Variants in ORC2 observed in about 807,000 individuals in gnomAD.
ORC2 encodes the protein origin recognition complex subunit 2.
In ORC2, 37 loss-of-function variants were observed where a neutral mutation model predicts 77.7. The ratio of observed to expected loss-of-function variants is 0.48; its 90% CI spans 0.37 to 0.63. ORC2 has a LOEUF of 0.63. ORC2 is among the 20% of genes least tolerant of loss of function. The pLI is 0.00. For synonymous variants in ORC2, 201 were observed against 229.5 expected, an observed-to-expected ratio of 0.88 and a Z score of 1.12; for missense variants, 557 against 661.9, an observed-to-expected ratio of 0.84 and a Z score of 1.74.
chr2:200,937,858 G>GTTTAT (rs1367164931), intron 8 of ORC2, 48 bp downstream of exon 8: 10 of 1,248,170 alleles, frequency 8.0e-6, no homozygotes, highest in Non-Finnish European at 1.2e-5. Context: ...ATTGCCTCTT[G>GTTTAT]TTTAGATGCT....
Position 200,958,223 on chromosome 2 carries a change from T to C in ORC2, c.-10-90A>G, listed in dbSNP as rs1052852942. 4.2e-6 allele frequency: 3 copies of C among 707,644 alleles called. No individual in the cohort carries two copies. The African/African-American group carries it at 5.4e-5, about 13-fold the overall frequency. 43.8% of individuals were successfully genotyped at this position (707,644 alleles called of 1,614,324 possible). A position where few individuals can be genotyped will look rare whatever the true frequency, so the allele number is the denominator to read the frequency against. On this transcript the variant is annotated intron_variant, in intron 2 of 17. Transcript: ENST00000234296. ...TTCACATAATGAATACATGTCTTTA[T>C]CTAATATTTTTAAAGTCTTTTTAAG...
intron 7 of ORC2, among the ~76,000 whole-genome samples, chr2:200,938,244 G>A (rs71424274): frequency 0.015 from 2,259 of 152,278 alleles, 18 homozygotes; most frequent in Non-Finnish European, 0.022. Context: ...GGCCAGGCTG[G>A]TCTCAAAACT....
At chr2:200,917,709 G>C (rs192392502) in intron 15 of ORC2, among the ~76,000 whole-genome samples, 111 of 152,196 alleles carry the variant, frequency 7.3e-4, no homozygotes, top group Non-Finnish European at 1.2e-3. Flanking sequence ...TTCTGATACT[G>C]TACTGTGTTT....
chr2:200,945,593 T>C (rs1433237955), intron 5 of ORC2, among the ~76,000 whole-genome samples: 1 of 151,638 alleles, frequency 6.6e-6, no homozygotes, highest in Non-Finnish European at 1.5e-5. Context: ...ATTTGTGGGC[T>C]TGCAAAAAAA....
intron 7 of ORC2, among the ~76,000 whole-genome samples, chr2:200,940,814 A>T (rs2041138215): frequency 6.6e-6 from 1 of 152,122 alleles, no homozygotes; most frequent in Non-Finnish European, 1.5e-5. Flanking sequence ...AAACAAACAA[A>T]CAAACAAAGA....
intron 11 of ORC2, among the ~76,000 whole-genome samples, chr2:200,930,506 CTTTT>C (rs572005723): frequency 1.0e-4 from 14 of 136,292 alleles, no homozygotes; most frequent in African/African-American, 3.2e-4. Context: ...CCTAGCATAA[CTTTT>C]TTTTTTTTTT....
intron 4 of ORC2, among the ~76,000 whole-genome samples, chr2:200,951,175 T>C (rs1296494539): frequency 6.6e-6 from 1 of 152,216 alleles, no homozygotes; most frequent in African/African-American, 2.4e-5. Flanking sequence ...TTAAGGTCCT[T>C]TCATATCTTG....
intron 14 of ORC2, 112 bp from the exon 15 acceptor site, chr2:200,920,505 G>GT (rs1309903589): frequency 1.1e-6 from 1 of 888,756 alleles, no homozygotes; most frequent in African/African-American, 1.7e-5. Context: ...GAATCCCCAA[G>GT]TTTTTCATTT....
chr2:200,912,700 G>A (rs16835612), intron 17 of ORC2, among the ~76,000 whole-genome samples: 4,332 of 152,134 alleles, frequency 0.028, 215 homozygotes, highest in African/African-American at 0.099. Flanking sequence ...GATCACAGGC[G>A]TGAGCCACCA....
At chr2:200,920,939 T>TTGTAAGAA in intron 14 of ORC2, 54 bp downstream of exon 14, 1 of 1,275,772 alleles carries the variant, frequency 7.8e-7, no homozygotes, top group Admixed American at 2.7e-5. Context: ...ATTAATAGAA[T>TTGTAAGAA]TTGTCTTGTA....
Position 200,913,331 on chromosome 2 carries a change from A to G in ORC2, c.1611T>C (p.Thr537=). ...NSDLTLRAQL[T]EFRDHKLIRT... ...TTATAAGCTTGTGGTCCCTAAATTC[A>G]GTTAACTGGGCCCGGAGTGTCAGAT... Residue 537 remains threonine, a synonymous_variant, in exon 17 of 18, where the codon ACT becomes ACC. Coordinates refer to ENST00000234296, the MANE Select transcript of ORC2 (RefSeq NM_006190.5). The G allele has an allele frequency of 1.4e-5, 23 of 1,600,086 alleles. No individual in the cohort carries two copies. Among genetic ancestry groups the G allele is most frequent in the Non-Finnish European group, 2.0e-5 (23 of 1,170,852 alleles).
At chr2:200,944,809 A>G (rs954432509) in intron 5 of ORC2, among the ~76,000 whole-genome samples, 3 of 152,206 alleles carry the variant, frequency 2.0e-5, no homozygotes, top group Admixed American at 2.0e-4. Context: ...CAAAGTGCTA[A>G]GATTACAAGC....
chr2:200,935,548 A>C (rs1222082553), intron 9 of ORC2, 151 bp downstream of exon 9: 1 of 620,790 alleles, frequency 1.6e-6, no homozygotes, highest in Non-Finnish European at 2.7e-6. Context: ...AAGTAGAAAC[A>C]AATATATGTG....
chr2:200,946,161 AT>A (rs1029103440), intron 5 of ORC2, among the ~76,000 whole-genome samples: 1 of 148,284 alleles, frequency 6.7e-6, no homozygotes, highest in African/African-American at 2.5e-5. Flanking sequence ...TTTTTTTTTA[AT>A]TTTTTTTTAT....
intron 1 of ORC2, chr2:200,963,233 G>A (rs2041614311): frequency 2.6e-6 from 1 of 389,974 alleles, no homozygotes; most frequent in Non-Finnish European, 4.5e-6. Flanking sequence ...AGTCTTAAAG[G>A]ACTTTGGCCT....
chr2:200,955,647 T>G (rs1324085805), intron 4 of ORC2, among the ~76,000 whole-genome samples: 1 of 152,182 alleles, frequency 6.6e-6, no homozygotes, highest in Non-Finnish European at 1.5e-5. Flanking sequence ...GAAGAAAATA[T>G]GTGGCATAGA....
intron 11 of ORC2, among the ~76,000 whole-genome samples, chr2:200,928,540 G>T (rs1185249105): frequency 6.6e-6 from 1 of 150,620 alleles, no homozygotes; most frequent in African/African-American, 2.4e-5. Context: ...AAGGCCAGGC[G>T]CAGTGGCTCA....
chr2:200,939,448 T>C (rs1035881198), intron 7 of ORC2, among the ~76,000 whole-genome samples: 4 of 152,236 alleles, frequency 2.6e-5, no homozygotes, highest in African/African-American at 9.6e-5. Context: ...CTTGACAGTT[T>C]GCTCATTTGG....
At chr2:200,942,912 G>C (rs1050847694) in intron 5 of ORC2, 135 bp from the exon 6 acceptor site, 1 of 474,518 alleles carries the variant, frequency 2.1e-6, no homozygotes, top group Non-Finnish European at 3.7e-6. Context: ...ACCCATATTA[G>C]GAGTAATACT....
Sources: allele counts gnomAD v4.1 joint callset (sites outside exome capture counted in the v4.1 genomes callset), GRCh38; gene constraint gnomAD v4.1.1; transcripts MANE v1.5; gene names NCBI Gene and HGNC (gene_info 2026-07-23, HGNC 2026-07-21).